LRMDA: variants seen among roughly 807,000 people sequenced by gnomAD.
LRMDA encodes the protein leucine-rich melanocyte differentiation-associated protein.
In LRMDA, 18 loss-of-function variants were observed where a neutral mutation model predicts 29.8. That is an observed-to-expected ratio of 0.60 (90% CI 0.42 to 0.90). The LOEUF (loss-of-function observed/expected upper bound fraction) is 0.90. Among genes scored for constraint, LRMDA ranks in the 40% least tolerant of loss-of-function variants. LRMDA has a pLI of 0.00. For missense variants in LRMDA, 273 were observed against 273.9 expected, an observed-to-expected ratio of 1.00 and a Z score of 0.02; for synonymous variants, 125 against 109.4, an observed-to-expected ratio of 1.14 and a Z score of -0.89.
chr10:76,009,691 G>A (rs1166000947), intron 2 of LRMDA, among the ~76,000 whole-genome samples: 2 of 152,128 alleles, frequency 1.3e-5, no homozygotes, highest in East Asian at 3.9e-4. Flanking sequence ...GTCTCTTTGT[G>A]GTCATCTCGG....
intron 6 of LRMDA, among the ~76,000 whole-genome samples, chr10:76,542,198 G>A (rs565158021): frequency 1.1e-4 from 16 of 152,180 alleles, no homozygotes; most frequent in African/African-American, 3.6e-4. Context: ...TAGGTGCTGC[G>A]GATTATGTAT....
intron 5 of LRMDA, among the ~76,000 whole-genome samples, chr10:76,183,991 G>T (rs1289771402): frequency 6.6e-6 from 1 of 151,798 alleles, no homozygotes; most frequent in Non-Finnish European, 1.5e-5. Context: ...CAAAGTGCTG[G>T]GATTACAAGT....
chr10:76,124,039 C>A (rs536996754), intron 5 of LRMDA, among the ~76,000 whole-genome samples: 27 of 152,314 alleles, frequency 1.8e-4, no homozygotes, highest in South Asian at 4.1e-4. Flanking sequence ...ATCTTGCTTT[C>A]TTCTACCTTG....
intron 2 of LRMDA, among the ~76,000 whole-genome samples, chr10:75,770,712 G>A (rs957863044): frequency 2.0e-5 from 3 of 152,204 alleles, no homozygotes; most frequent in Non-Finnish European, 2.9e-5. Context: ...GAAGAGAGAT[G>A]GGTGGGTGAA....
intron 5 of LRMDA, among the ~76,000 whole-genome samples, chr10:76,174,902 C>T (rs1165577889): frequency 1.3e-5 from 2 of 152,138 alleles, no homozygotes; most frequent in African/African-American, 2.4e-5. Flanking sequence ...GGGGGGATTG[C>T]CTGAGCTCAG....
rs7073694 is a variant in LRMDA at position 75,922,218 on chromosome 10, G to C, written c.132-113790G>C. ...CAATTTCCTCCCTTTCTGGAAAATT[G>C]CTCACTATTTAGAAAGAAGAAGTGT... is the stretch of plus-strand genomic sequence containing the variant. On this transcript the variant is annotated intron_variant, in intron 2 of 6. Coordinates refer to ENST00000611255, the MANE Select transcript of LRMDA (RefSeq NM_001305581.2). Among the ~76,000 whole-genome samples, 819 of 152,244 alleles carry C rather than the reference G, an allele frequency of 5.4e-3. 7 individuals are homozygous for C. Among genetic ancestry groups the C allele is most frequent in the African/African-American group, 0.018 (763 of 41,532 alleles).
intron 5 of LRMDA, among the ~76,000 whole-genome samples, chr10:76,237,398 G>A (rs1456324052): frequency 6.6e-6 from 1 of 152,184 alleles, no homozygotes; most frequent in African/African-American, 2.4e-5. Context: ...TTTTACAGAT[G>A]AGGAACTGAG....
chr10:76,010,250 G>C (rs770413110), intron 2 of LRMDA, among the ~76,000 whole-genome samples: 12 of 151,906 alleles, frequency 7.9e-5, no homozygotes, highest in Non-Finnish European at 1.6e-4. Flanking sequence ...ACTGTACCCT[G>C]AGGTATTTCC....
chr10:76,508,634 C>T (rs1842981562), intron 6 of LRMDA, among the ~76,000 whole-genome samples: 1 of 150,988 alleles, frequency 6.6e-6, no homozygotes. Flanking sequence ...TTGTGCTATT[C>T]CTTATTTTCT....
At chr10:76,339,096 C>G (rs946291684) in intron 6 of LRMDA, among the ~76,000 whole-genome samples, 6 of 152,042 alleles carry the variant, frequency 3.9e-5, no homozygotes, top group African/African-American at 1.4e-4. Context: ...CCTTTTGTTA[C>G]ATGGAAAATA....
chr10:75,903,242 G>A (rs566182971), intron 2 of LRMDA, among the ~76,000 whole-genome samples: 5 of 152,232 alleles, frequency 3.3e-5, no homozygotes, highest in Non-Finnish European at 5.9e-5. Flanking sequence ...ACAGGGCCTT[G>A]CTCTTAGAAA....
At chr10:76,527,803 A>G (rs1194013920) in intron 6 of LRMDA, among the ~76,000 whole-genome samples, 1 of 152,140 alleles carries the variant, frequency 6.6e-6, no homozygotes, top group Non-Finnish European at 1.5e-5. Flanking sequence ...ATCCAAAAGC[A>G]ATTTTTCTTA....
chr10:75,687,072 A>C (rs552054577), intron 2 of LRMDA, among the ~76,000 whole-genome samples: 1 of 152,150 alleles, frequency 6.6e-6, no homozygotes, highest in Non-Finnish European at 1.5e-5. Flanking sequence ...CCCTCTCCTC[A>C]GGCCTCCTCA....
chr10:76,203,487 A>AAT (rs779943429), intron 5 of LRMDA, among the ~76,000 whole-genome samples: 11 of 152,158 alleles, frequency 7.2e-5, no homozygotes, highest in Non-Finnish European at 1.5e-4. Flanking sequence ...AATTTGGAAA[A>AAT]ATATATATTT....
intron 2 of LRMDA, among the ~76,000 whole-genome samples, chr10:75,656,948 A>T (rs1445143571): frequency 2.0e-5 from 3 of 152,228 alleles, no homozygotes; most frequent in Non-Finnish European, 4.4e-5. Flanking sequence ...TAACGGGTTG[A>T]TGTAAAATTA....
rs550517685 is a variant in LRMDA at position 76,230,569 on chromosome 10, C to A, written c.517-93832C>A. 5.0e-3 allele frequency among the ~76,000 whole-genome samples: 696 copies of A among 139,864 alleles called. 8 individuals are homozygous for A. Among genetic ancestry groups the A allele is most frequent in the Admixed American group, 0.024 (341 of 13,976 alleles). The allele number at this position is 139,864 out of a possible 152,430, so 91.8% of individuals were successfully genotyped here. A position where few individuals can be genotyped will look rare whatever the true frequency, so the allele number is the denominator to read the frequency against. On this transcript the variant is annotated intron_variant, in intron 5 of 6. Coordinates refer to ENST00000611255, the MANE Select transcript of LRMDA (RefSeq NM_001305581.2). ...GTTAAGAGGGCAAAAAAAAAAAAAA[C>A]CCCAAAAATCCCATGCATGAATAAA...
At chr10:76,517,534 G>A (rs1843074254) in intron 6 of LRMDA, among the ~76,000 whole-genome samples, 1 of 151,888 alleles carries the variant, frequency 6.6e-6, no homozygotes, top group Non-Finnish European at 1.5e-5. Flanking sequence ...AAGAAATATT[G>A]GTATGGACAA....
chr10:76,520,142 A>C (rs1194404676), intron 6 of LRMDA, among the ~76,000 whole-genome samples: 1 of 152,098 alleles, frequency 6.6e-6, no homozygotes, highest in Non-Finnish European at 1.5e-5. Flanking sequence ...ATTTAGTCCT[A>C]ATATTTATTA....
intron 2 of LRMDA, among the ~76,000 whole-genome samples, chr10:75,613,964 A>G (rs186729420): frequency 6.6e-6 from 1 of 152,338 alleles, no homozygotes; most frequent in East Asian, 1.9e-4. Flanking sequence ...CACCTAATAA[A>G]TCATCCAAAC....
Sources: allele counts gnomAD v4.1 joint callset (sites outside exome capture counted in the v4.1 genomes callset), GRCh38; gene constraint gnomAD v4.1.1; transcripts MANE v1.5; gene names NCBI Gene and HGNC (gene_info 2026-07-23, HGNC 2026-07-21).